The following JADE2 variants were observed in gnomAD, a reference collection of about 807,000 sequenced individuals.
The protein encoded by JADE2 is E3 ubiquitin-protein ligase Jade-2.
A neutral mutation model predicts 85.7 loss-of-function variants in JADE2; 13 were observed. The ratio of observed to expected loss-of-function variants is 0.15; its 90% CI spans 0.10 to 0.24. The LOEUF (loss-of-function observed/expected upper bound fraction) is 0.24. Among genes scored for constraint, JADE2 ranks in the 10% least tolerant of loss-of-function variants. The pLI, the probability that JADE2 is intolerant of heterozygous loss-of-function variation, is 1.00. For synonymous variants in JADE2, 440 were observed against 456.1 expected, an observed-to-expected ratio of 0.96 and a Z score of 0.45; for missense variants, 846 against 1,115.9, an observed-to-expected ratio of 0.76 and a Z score of 3.45.
chr5:134,529,317 G>A (rs1001634205), intron 1 of JADE2, among the ~76,000 whole-genome samples: 1 of 152,146 alleles, frequency 6.6e-6, no homozygotes, highest in African/African-American at 2.4e-5. Context: ...TACAATTGTA[G>A]GTCTGCTCAA....
In JADE2 at chr5:134,526,320, G is replaced by A. The variant is rs1055805479; in HGVS notation, c.-1+309G>A. ...GGCGACCTTCTTTATTAATGACTGCGGCAAAGCGCCCCCGGGCCGGCGAGG... is the reference window on the plus strand; with the variant it reads ...GGCGACCTTCTTTATTAATGACTGCAGCAAAGCGCCCCCGGGCCGGCGAGG... On this transcript the variant is annotated intron_variant, in intron 1 of 11. Transcript: ENST00000681547. 27 of 985,130 alleles carry A rather than the reference G, an allele frequency of 2.7e-5. No individual in the cohort carries two copies. In the East Asian group the frequency reaches 1.4e-3, roughly 50 times the overall value. 61.0% of individuals were successfully genotyped at this position (985,130 alleles called of 1,614,324 possible).
intron 3 of JADE2, among the ~76,000 whole-genome samples, chr5:134,551,526 GC>G (rs1762590172): frequency 6.7e-6 from 1 of 149,302 alleles, no homozygotes; most frequent in Admixed American, 6.7e-5. Flanking sequence ...ACCTTGCCTG[GC>G]CCTTTTTTTT....
intron 1 of JADE2, among the ~76,000 whole-genome samples, chr5:134,529,920 C>T (rs1041162441): frequency 4.6e-5 from 7 of 152,230 alleles, no homozygotes; most frequent in African/African-American, 1.7e-4. Flanking sequence ...GGTGTGGCAG[C>T]GTCTTCAAGG....
intron 4 of JADE2, among the ~76,000 whole-genome samples, chr5:134,554,492 C>T (rs919424335): frequency 2.0e-5 from 3 of 152,144 alleles, no homozygotes; most frequent in African/African-American, 7.2e-5. Flanking sequence ...ATCTCCTGGC[C>T]TGGGTAATTA....
chr5:134,538,608 C>G (rs1761749837), intron 3 of JADE2, among the ~76,000 whole-genome samples: 1 of 152,128 alleles, frequency 6.6e-6, no homozygotes, highest in African/African-American at 2.4e-5. Flanking sequence ...TGGGATGTTT[C>G]TTACAGCAGG....
At chr5:134,538,860 C>CT (rs541295980) in intron 3 of JADE2, among the ~76,000 whole-genome samples, 302 of 141,558 alleles carry the variant, frequency 2.1e-3, no homozygotes, top group South Asian at 4.0e-3. Flanking sequence ...AATCCTGGCT[C>CT]TTTTTTTTTT....
chr5:134,572,700 C>T (rs1276980901), intron 9 of JADE2, among the ~76,000 whole-genome samples: 1 of 152,208 alleles, frequency 6.6e-6, no homozygotes, highest in Non-Finnish European at 1.5e-5. Flanking sequence ...TTGGTCTTGG[C>T]TTCAGAAGTG....
chr5:134,548,986 C>G (rs779832195), intron 3 of JADE2, among the ~76,000 whole-genome samples: 4 of 152,162 alleles, frequency 2.6e-5, no homozygotes, highest in Non-Finnish European at 5.9e-5. Flanking sequence ...TCAGATTCAT[C>G]AGAAAATTCC....
intron 9 of JADE2, among the ~76,000 whole-genome samples, chr5:134,567,454 C>G (rs1212689569): frequency 6.6e-6 from 1 of 152,056 alleles, no homozygotes; most frequent in African/African-American, 2.4e-5. Flanking sequence ...TCCTCTGAAC[C>G]CCACAGGCTG....
intron 1 of JADE2, 175 bp downstream of exon 1, chr5:134,526,186 C>G (rs370585780): frequency 2.0e-6 from 2 of 985,404 alleles, no homozygotes; most frequent in South Asian, 4.7e-5. Context: ...GGGGGATGCA[C>G]AGCACAGGGG....
chr5:134,558,750 C>G (rs1763140744), intron 4 of JADE2, among the ~76,000 whole-genome samples: 1 of 152,244 alleles, frequency 6.6e-6, no homozygotes, highest in Non-Finnish European at 1.5e-5. Context: ...GTTGGTCAGG[C>G]TGGTCTCGAA....
Position 134,564,600 on chromosome 5 carries a change from C to A in JADE2, c.959C>A (p.Thr320Asn). 1 of 1,551,092 alleles carries A rather than the reference C, an allele frequency of 6.4e-7. No homozygotes were observed. The highest frequency in any genetic ancestry group is 8.7e-7 in the Non-Finnish European group (1 of 1,146,272). The change falls in exon 8 of 12, where the codon ACC (threonine) becomes AAC (asparagine). Residue 320 changes from threonine (T) to asparagine (N), a missense_variant. Around this residue, in one of 9 missense-constraint regions of JADE2, gnomAD observed 129 missense variants for 255.4 expected, o/e 0.51. Coordinates refer to ENST00000681547, the MANE Select transcript of JADE2 (RefSeq NM_001388185.1). ...SCSLCKECTG[T>N]CIQCSMPSCV... is the part of the protein sequence containing the mutation. Reference sequence around the variant, plus strand: ...AGCCTCTGCAAGGAATGCACAGGCACCTGCATCCAGGTATGTGGCCTACTT... The same window carrying A: ...AGCCTCTGCAAGGAATGCACAGGCAACTGCATCCAGGTATGTGGCCTACTT...
chr5:134,539,331 G>A (rs1217768481), intron 3 of JADE2, among the ~76,000 whole-genome samples: 5 of 152,238 alleles, frequency 3.3e-5, no homozygotes, highest in Admixed American at 2.6e-4. Context: ...CCAAAGTGCT[G>A]GGATTACAGG....
In JADE2 at chr5:134,562,808, G is replaced by C. The variant is rs1364269239; in HGVS notation, c.852+441G>C. Among the ~76,000 whole-genome samples the C allele has an allele frequency of 6.6e-6, 1 of 152,090 alleles. No individual in the cohort carries two copies. Among genetic ancestry groups the C allele is most frequent in the Non-Finnish European group, 1.5e-5 (1 of 68,022 alleles). On this transcript the variant is annotated intron_variant, in intron 7 of 11. Coordinates refer to ENST00000681547, the MANE Select transcript of JADE2 (RefSeq NM_001388185.1). The surrounding 1 kb of genome is among the most constrained non-coding windows in gnomAD (Gnocchi z 4.6). ...GCACACACTGGGATCTCAGGTGATG[G>C]GCCAGCAAAGAATCCAGGCCGCAGC... is the stretch of plus-strand genomic sequence containing the variant.
intron 1 of JADE2, among the ~76,000 whole-genome samples, chr5:134,529,497 C>T (rs992107627): frequency 2.6e-5 from 4 of 152,210 alleles, no homozygotes; most frequent in Non-Finnish European, 5.9e-5. Flanking sequence ...TACCTCAGTT[C>T]CTTCTGTTAC....
At chr5:134,573,869 AGCCAAGG>A in intron 10 of JADE2, 107 bp downstream of exon 10, 1 of 809,204 alleles carries the variant, frequency 1.2e-6, no homozygotes. Context: ...ATGTGCGTGG[AGCCAAGG>A]GCCACTGGCC....
chr5:134,535,415 A>G (rs996006365), intron 1 of JADE2, among the ~76,000 whole-genome samples: 2 of 152,228 alleles, frequency 1.3e-5, no homozygotes. Flanking sequence ...TTCCGACAGC[A>G]TGGTCCTCCT....
chr5:134,579,035 C>T lies in JADE2; in HGVS notation c.2223C>T (p.Gly741=). Residue 741 remains glycine (G), a synonymous_variant, in exon 12 of 12, where the codon GGC becomes GGT. Coordinates refer to ENST00000681547, the MANE Select transcript of JADE2 (RefSeq NM_001388185.1). This position sits in a 1 kb window ranked among gnomAD's most constrained non-coding sequence, Gnocchi z 4.6. ...CTGACTCAGATGTCCAAGTGCCTGG[C>T]CCTGCAGCAAGCCCTAAGCCTTTGG... The part of the protein sequence containing the change: ...VAADSDVQVP[G]PAASPKPLGR... 2 of 1,613,988 alleles carry T rather than the reference C, an allele frequency of 1.2e-6. No individual in the cohort carries two copies. Among genetic ancestry groups the T allele is most frequent in the Non-Finnish European group, 1.7e-6 (2 of 1,180,026 alleles).
intron 3 of JADE2, among the ~76,000 whole-genome samples, chr5:134,551,207 TTTTTA>T (rs1410728612): frequency 1.3e-5 from 1 of 76,104 alleles, no homozygotes; most frequent in Non-Finnish European, 2.7e-5. Flanking sequence ...ATGGCAGTAT[TTTTTA>T]TTTTATTTTA....
Sources: allele counts gnomAD v4.1 joint callset (sites outside exome capture counted in the v4.1 genomes callset), GRCh38; gene constraint gnomAD v4.1.1; regional missense constraint gnomAD v4.1.1; non-coding constraint Gnocchi (gnomAD v3.1); transcripts MANE v1.5; gene names NCBI Gene and HGNC (gene_info 2026-07-23, HGNC 2026-07-21).